The following RAPGEF6 variants were observed in gnomAD, a reference collection of about 807,000 sequenced individuals.
RAPGEF6 encodes PDZ domain containing guanine nucleotide exchange factor (GEF) 2.
RAPGEF6 carries 56 observed loss-of-function variants against 171.4 expected under a neutral mutation model. That is an observed-to-expected ratio of 0.33 (90% CI 0.26 to 0.41). The LOEUF (loss-of-function observed/expected upper bound fraction) is 0.41, where lower values mean the gene tolerates loss of function less well. Ranked by LOEUF, RAPGEF6 falls within the 10% of genes least tolerant of loss-of-function variation. RAPGEF6 has a pLI of 1.00. For missense variants in RAPGEF6, 1,674 were observed against 1,921.4 expected, an observed-to-expected ratio of 0.87 and a Z score of 2.41; for synonymous variants, 692 against 650.1, an observed-to-expected ratio of 1.06 and a Z score of -0.98.
chr5:131,503,748 G>T (rs1254933082), intron 11 of RAPGEF6, among the ~76,000 whole-genome samples: 4 of 152,164 alleles, frequency 2.6e-5, no homozygotes, highest in African/African-American at 9.7e-5. Flanking sequence ...AGGTGAGAAG[G>T]CAAGTATTAG....
At chr5:131,570,628 A>G in intron 4 of RAPGEF6, among the ~76,000 whole-genome samples, 1 of 152,246 alleles carries the variant, frequency 6.6e-6, no homozygotes, top group South Asian at 2.1e-4. Context: ...GCTAGAATTG[A>G]TATGTGCTAA....
intron 15 of RAPGEF6, among the ~76,000 whole-genome samples, chr5:131,489,291 G>A (rs1051323008): frequency 1.1e-4 from 16 of 152,042 alleles, no homozygotes; most frequent in Non-Finnish European, 1.9e-4. Context: ...CATAATACAC[G>A]CTCCATAGGA....
In RAPGEF6 at chr5:131,492,699, G is replaced by A. The variant is rs758372539; in HGVS notation, c.1614C>T (p.Arg538=). ...WRQVVLQKAS[R]ESPLQFSLNG... is the part of the protein sequence containing the mutation. ...TAAGGCTGAATTGTAGAGGGGACTC[G>A]CGGGAAGCCTTTTGCAGCACAACCT... The change falls in exon 14 of 28, where the codon CGC becomes CGT. Residue 538 remains arginine, a synonymous_variant. Coordinates refer to ENST00000509018, the MANE Select transcript of RAPGEF6 (RefSeq NM_016340.6). 28 of 1,613,894 alleles carry A rather than the reference G, an allele frequency of 1.7e-5. No individual in the cohort carries two copies. In the South Asian group the frequency reaches 1.9e-4, roughly 11 times the overall value.
intron 4 of RAPGEF6, among the ~76,000 whole-genome samples, chr5:131,562,753 T>C (rs1013704663): frequency 2.0e-5 from 3 of 152,182 alleles, no homozygotes; most frequent in Admixed American, 1.3e-4. Flanking sequence ...AGTCTATATA[T>C]GCTTAGTAGA....
At chr5:131,468,093 C>T (rs1052818026) in intron 17 of RAPGEF6, among the ~76,000 whole-genome samples, 8 of 150,502 alleles carry the variant, frequency 5.3e-5, no homozygotes, top group Non-Finnish European at 1.2e-4. Context: ...TTTGGGAGGC[C>T]GAGGTGGGCG....
At chr5:131,452,004 G>A (rs185966174) in intron 21 of RAPGEF6, among the ~76,000 whole-genome samples, 51 of 152,158 alleles carry the variant, frequency 3.4e-4, no homozygotes, top group African/African-American at 1.1e-3. Flanking sequence ...AGGCCGAGGC[G>A]GGCGGATCAC....
At chr5:131,528,462 A>C (rs1454009084) in intron 6 of RAPGEF6, among the ~76,000 whole-genome samples, 1 of 149,924 alleles carries the variant, frequency 6.7e-6, no homozygotes, top group Non-Finnish European at 1.5e-5. Context: ...ACTGTGCCTG[A>C]GGTATGTGAA....
At chr5:131,614,281 C>CAAAAAAAAAAAAAA (rs386404987) in intron 1 of RAPGEF6, among the ~76,000 whole-genome samples, 1 of 81,426 alleles carries the variant, frequency 1.2e-5, no homozygotes, top group East Asian at 3.6e-4. Context: ...GACTCTGTCT[C>CAAAAAAAAAAAAAA]AAAAAAAAAA....
chr5:131,495,778 T>G, intron 12 of RAPGEF6, 118 bp from the exon 13 acceptor site: 3 of 1,395,970 alleles, frequency 2.1e-6, no homozygotes, highest in Non-Finnish European at 2.8e-6. Context: ...TTCCCTCCCT[T>G]GTGTAAAAAA....
intron 15 of RAPGEF6, among the ~76,000 whole-genome samples, chr5:131,487,399 G>A (rs1401429746): frequency 3.9e-5 from 6 of 152,186 alleles, no homozygotes; most frequent in Non-Finnish European, 8.8e-5. Context: ...CCCACATCCT[G>A]CTGATTGGTC....
intron 1 of RAPGEF6, among the ~76,000 whole-genome samples, chr5:131,620,026 C>G (rs922217179): frequency 9.2e-5 from 14 of 152,164 alleles, no homozygotes; most frequent in Non-Finnish European, 1.5e-4. Flanking sequence ...ATCCAATAAC[C>G]ACCATACAGT....
chr5:131,497,538 A>C (rs1412959917), intron 12 of RAPGEF6, among the ~76,000 whole-genome samples: 1 of 152,166 alleles, frequency 6.6e-6, no homozygotes, highest in African/African-American at 2.4e-5. Flanking sequence ...TTTATAGTAT[A>C]AGGTGGTAAT....
At chr5:131,616,923 A>G (rs1765299344) in intron 1 of RAPGEF6, among the ~76,000 whole-genome samples, 1 of 152,166 alleles carries the variant, frequency 6.6e-6, no homozygotes, top group East Asian at 1.9e-4. Flanking sequence ...AACTTTCAAT[A>G]AAACATCATT....
At position 131,479,518 on chromosome 5, in the gene RAPGEF6, T is replaced by G; in HGVS notation, c.2076A>C (p.Leu692=). 1 of 1,613,832 alleles carries G rather than the reference T, an allele frequency of 6.2e-7. No individual in the cohort carries two copies. The highest frequency in any genetic ancestry group is 1.1e-5 in the South Asian group (1 of 91,076). Residue 692 remains leucine (L), a synonymous_variant, in exon 16 of 28, where the codon CTA becomes CTC. Coordinates refer to ENST00000509018, the MANE Select transcript of RAPGEF6 (RefSeq NM_016340.6). Reference sequence around the variant, plus strand: ...CTAAGATCGGCATTACCTACCTAAATAGCTTTGGAGGCAAGATACTAAATC... The same window carrying G: ...CTAAGATCGGCATTACCTACCTAAAGAGCTTTGGAGGCAAGATACTAAATC... ...KTRFSILPPK[L]FSDGGLSQSQ... is the part of the protein sequence containing the mutation.
At chr5:131,452,410 C>T (rs979473038) in intron 21 of RAPGEF6, among the ~76,000 whole-genome samples, 4 of 151,870 alleles carry the variant, frequency 2.6e-5, no homozygotes, top group Admixed American at 2.0e-4. Flanking sequence ...TTTCTAAATT[C>T]TGTTCATTTG....
chr5:131,523,279 C>CTTTTTTTTTTTTTTT (rs1171953953), intron 6 of RAPGEF6, among the ~76,000 whole-genome samples: 9 of 66,656 alleles, frequency 1.4e-4, no homozygotes, highest in Non-Finnish European at 1.9e-4. Context: ...CTGTTGTATG[C>CTTTTTTTTTTTTTTT]TTTTTTTTTT....
In RAPGEF6 at chr5:131,431,076, G is replaced by A; in HGVS notation, c.4248C>T (p.Ser1416=). The A allele has an allele frequency of 6.2e-7, 1 of 1,614,180 alleles. No homozygotes were observed. The highest frequency in any genetic ancestry group is 1.3e-5 in the African/African-American group (1 of 75,028). ...TACACTGCCCACAAGTTCTAGAGCAGCTTTTAGAACAGGAATAGGGCTCAG... is the reference window on the plus strand; with the variant it reads ...TACACTGCCCACAAGTTCTAGAGCAACTTTTAGAACAGGAATAGGGCTCAG... The part of the protein sequence containing the change: ...TDSEPYSCSK[S]CSRTCGQCKG... Residue 1416 remains serine (S), a synonymous_variant, in exon 26 of 28, where the codon AGC becomes AGT. Coordinates refer to ENST00000509018, the MANE Select transcript of RAPGEF6 (RefSeq NM_016340.6).
At chr5:131,458,445 C>T (rs1374553090) in intron 19 of RAPGEF6, among the ~76,000 whole-genome samples, 1 of 152,294 alleles carries the variant, frequency 6.6e-6, no homozygotes, top group East Asian at 1.9e-4. Flanking sequence ...AATTAAACCT[C>T]TTTTCTTTAT....
chr5:131,430,646 C>T (rs1176476237), intron 26 of RAPGEF6: 17 of 716,558 alleles, frequency 2.4e-5, no homozygotes, highest in Non-Finnish European at 1.2e-5. Flanking sequence ...AATACCTTCA[C>T]ATCAGACTTT....
Sources: allele counts gnomAD v4.1 joint callset (sites outside exome capture counted in the v4.1 genomes callset), GRCh38; gene constraint gnomAD v4.1.1; transcripts MANE v1.5; gene names NCBI Gene and HGNC (gene_info 2026-07-23, HGNC 2026-07-21).